The following MAGI1 variants were observed in gnomAD, a reference collection of about 807,000 sequenced individuals.
The protein encoded by MAGI1 is membrane associated guanylate kinase, WW and PDZ domain containing 1.
A neutral mutation model predicts 139.9 loss-of-function variants in MAGI1; 58 were observed. That is an observed-to-expected ratio of 0.41 (90% confidence interval 0.34 to 0.52). MAGI1 has a LOEUF of 0.52. Ranked by LOEUF, MAGI1 falls within the 20% of genes least tolerant of loss-of-function variation. The pLI is 0.12. For missense variants in MAGI1, 1,874 were observed against 1,901.6 expected (o/e 0.99, Z 0.27); for synonymous variants, 812 against 737.9 (o/e 1.10, Z -1.63).
chr3:65,406,013 G>A (rs544454433), intron 12 of MAGI1, among the ~76,000 whole-genome samples: 23 of 151,590 alleles, frequency 1.5e-4, no homozygotes, highest in Non-Finnish European at 3.1e-4. Flanking sequence ...GGCGTGAGCC[G>A]CCACGCCCGG....
At chr3:65,869,578 T>C (rs1229102534) in intron 1 of MAGI1, among the ~76,000 whole-genome samples, 22 of 151,770 alleles carry the variant, frequency 1.4e-4, no homozygotes, top group Non-Finnish European at 1.5e-5. Flanking sequence ...TTTTTTGTAT[T>C]TTTAGTAGAG....
intron 9 of MAGI1, among the ~76,000 whole-genome samples, chr3:65,439,521 C>T (rs1023906346): frequency 6.6e-6 from 1 of 152,138 alleles, no homozygotes; most frequent in Admixed American, 6.5e-5. Context: ...TAGTTTCATG[C>T]CCAGTAACTC....
chr3:65,795,249 T>C (rs549062769), intron 1 of MAGI1, among the ~76,000 whole-genome samples: 1 of 152,276 alleles, frequency 6.6e-6, no homozygotes, highest in African/African-American at 2.4e-5. Context: ...TCATAGCAAC[T>C]TTATCAGTAA....
chr3:65,525,857 C>T (rs1322163695), intron 2 of MAGI1, among the ~76,000 whole-genome samples: 1 of 152,114 alleles, frequency 6.6e-6, no homozygotes. Flanking sequence ...TTCCTGAATA[C>T]CCACTGTGTT....
intron 1 of MAGI1, among the ~76,000 whole-genome samples, chr3:65,724,241 T>C (rs2033369563): frequency 6.6e-6 from 1 of 152,202 alleles, no homozygotes; most frequent in South Asian, 2.1e-4. Context: ...ACAGAAATGG[T>C]TACCACAGCA....
At chr3:65,661,534 A>G (rs2086187324) in intron 1 of MAGI1, among the ~76,000 whole-genome samples, 1 of 152,122 alleles carries the variant, frequency 6.6e-6, no homozygotes, top group African/African-American at 2.4e-5. Flanking sequence ...TTTGCATTGG[A>G]ATCCTGGCTT....
intron 2 of MAGI1, among the ~76,000 whole-genome samples, chr3:65,531,516 AATAC>A (rs2078711904): frequency 6.6e-6 from 1 of 152,212 alleles, no homozygotes; most frequent in Admixed American, 6.5e-5. Flanking sequence ...TTTACAGTAT[AATAC>A]TTATTTCTAG....
chr3:65,912,081 TTCTA>T (rs1396107917), intron 1 of MAGI1, among the ~76,000 whole-genome samples: 6 of 152,206 alleles, frequency 3.9e-5, no homozygotes, highest in African/African-American at 2.4e-5. Flanking sequence ...GTGAAAATAA[TTCTA>T]TCTTAGACAT....
chr3:65,422,319 A>ATGT (rs1946684687), intron 12 of MAGI1, among the ~76,000 whole-genome samples: 1 of 152,224 alleles, frequency 6.6e-6, no homozygotes, highest in Non-Finnish European at 1.5e-5. Flanking sequence ...TGAAGCTCCC[A>ATGT]CATCTTGGCC....
At chr3:65,488,456 C>A (rs1425388481) in intron 3 of MAGI1, among the ~76,000 whole-genome samples, 1 of 151,758 alleles carries the variant, frequency 6.6e-6, no homozygotes, top group Non-Finnish European at 1.5e-5. Context: ...CCCACCTCAG[C>A]CTCCCAAGTA....
intron 1 of MAGI1, among the ~76,000 whole-genome samples, chr3:65,929,264 A>C (rs1169408867): frequency 1.3e-5 from 2 of 152,086 alleles, no homozygotes; most frequent in Non-Finnish European, 2.9e-5. Flanking sequence ...CTTTCTCCTC[A>C]ATCTAACTCA....
At chr3:66,027,268 ATAAATAAATAAATAAATAAATAAAT>A (rs1559507939) in intron 1 of MAGI1, among the ~76,000 whole-genome samples, 6 of 136,402 alleles carry the variant, frequency 4.4e-5, no homozygotes, top group Admixed American at 7.1e-5. Context: ...TCCGTCTCAA[ATAAATAAATAAATAAATAAATAAAT>A]AAATAAATAA....
At chr3:65,692,215 G>A (rs2088737530) in intron 1 of MAGI1, among the ~76,000 whole-genome samples, 1 of 152,126 alleles carries the variant, frequency 6.6e-6, no homozygotes, top group Admixed American at 6.5e-5. Flanking sequence ...CTCAATGTTA[G>A]AACATGCGAT....
chr3:65,578,042 C>A (rs188069287), intron 2 of MAGI1, among the ~76,000 whole-genome samples: 22,428 of 152,160 alleles, frequency 0.15, 1,821 homozygotes, highest in South Asian at 0.2. Context: ...TGGCCTTCTA[C>A]CCAGCATGCC....
chr3:65,735,131 G>A (rs1241801605), intron 1 of MAGI1, among the ~76,000 whole-genome samples: 4 of 152,230 alleles, frequency 2.6e-5, no homozygotes, highest in African/African-American at 9.6e-5. Flanking sequence ...AACCTCTGAA[G>A]ATGTTTCATC....
intron 1 of MAGI1, among the ~76,000 whole-genome samples, chr3:65,812,167 A>G (rs1056531692): frequency 3.3e-5 from 5 of 152,056 alleles, no homozygotes; most frequent in African/African-American, 1.2e-4. Context: ...ACACATAATA[A>G]ATACTTTTTT....
At chr3:65,688,329 T>A in intron 1 of MAGI1, 2 of 695,572 alleles carry the variant, frequency 2.9e-6, no homozygotes. Context: ...TTCTGAAATA[T>A]CTACCTGGGA....
intron 2 of MAGI1, among the ~76,000 whole-genome samples, chr3:65,621,765 T>C (rs1576507291): frequency 6.6e-6 from 1 of 152,270 alleles, no homozygotes; most frequent in East Asian, 1.9e-4. Flanking sequence ...GGTAGATAAT[T>C]TGCCCCACAT....
At chr3:65,935,609 G>A (rs992754920) in intron 1 of MAGI1, among the ~76,000 whole-genome samples, 11 of 146,720 alleles carry the variant, frequency 7.5e-5, no homozygotes, top group Non-Finnish European at 1.5e-4. Context: ...GCAATAGAGC[G>A]CAATTCTGTC....
Sources: allele counts gnomAD v4.1 joint callset (sites outside exome capture counted in the v4.1 genomes callset), GRCh38; gene constraint gnomAD v4.1.1; transcripts MANE v1.5; gene names NCBI Gene and HGNC (gene_info 2026-07-23, HGNC 2026-07-21).